FBXL2: variants seen among roughly 807,000 people sequenced by gnomAD.
FBXL2 encodes F-box/LRR-repeat protein 2.
A neutral mutation model predicts 69.2 loss-of-function variants in FBXL2; 38 were observed. The ratio of observed to expected loss-of-function variants is 0.55; its 90% CI spans 0.42 to 0.72. The LOEUF (loss-of-function observed/expected upper bound fraction) is 0.72, where lower values mean the gene tolerates loss of function less well. Ranked by LOEUF, FBXL2 falls within the 30% of genes least tolerant of loss-of-function variation. FBXL2 has a pLI of 0.00. For missense variants in FBXL2, 354 were observed against 520.3 expected (o/e 0.68, Z 3.11); for synonymous variants, 192 against 201.3 (o/e 0.95, Z 0.39).
chr3:33,335,100 CAAAT>C (rs2039471988), intron 2 of FBXL2, among the ~76,000 whole-genome samples: 1 of 147,808 alleles, frequency 6.8e-6, no homozygotes, highest in Non-Finnish European at 1.5e-5. Flanking sequence ...GACCTTGTCT[CAAAT>C]AATAATAATA....
chr3:33,393,262 T>C, intron 12 of FBXL2: 2 of 1,534,248 alleles, frequency 1.3e-6, no homozygotes, highest in Non-Finnish European at 1.8e-6. Flanking sequence ...CAATTACATG[T>C]ATAAAAGTAA....
intron 2 of FBXL2, among the ~76,000 whole-genome samples, chr3:33,351,546 T>C (rs1232929282): frequency 2.0e-5 from 3 of 152,186 alleles, no homozygotes; most frequent in African/African-American, 7.2e-5. Context: ...AGTGAAGAGA[T>C]ATTACATATT....
chr3:33,323,091 C>G (rs2038374690), intron 2 of FBXL2, among the ~76,000 whole-genome samples: 1 of 152,126 alleles, frequency 6.6e-6, no homozygotes, highest in Non-Finnish European at 1.5e-5. Context: ...TTAATAAAAT[C>G]TAAAGTTATT....
At chr3:33,330,582 A>G (rs1419730512) in intron 2 of FBXL2, among the ~76,000 whole-genome samples, 2 of 152,136 alleles carry the variant, frequency 1.3e-5, no homozygotes, top group Non-Finnish European at 2.9e-5. Context: ...TACACGTTAT[A>G]TGAATGTATT....
At chr3:33,297,024 A>C (rs575437429) in intron 1 of FBXL2, among the ~76,000 whole-genome samples, 17 of 152,296 alleles carry the variant, frequency 1.1e-4, no homozygotes, top group Non-Finnish European at 1.9e-4. Flanking sequence ...CAGTTCATGA[A>C]CATGGATGTC....
At chr3:33,277,854 A>T (rs1052440342) in intron 1 of FBXL2, among the ~76,000 whole-genome samples, 1 of 148,710 alleles carries the variant, frequency 6.7e-6, no homozygotes, top group Non-Finnish European at 1.5e-5. Context: ...GGGTGTGGTT[A>T]AAAAAAAAAA....
At chr3:33,382,473 TGAATG>T in intron 13 of FBXL2, 1 of 152,368 alleles carries the variant, frequency 6.6e-6, no homozygotes, top group South Asian at 2.1e-4. Context: ...TTAAATGATA[TGAATG>T]GAATTATCAT....
the FBXL2 span, among the ~76,000 whole-genome samples, chr3:33,421,401 T>C: frequency 1.3e-5 from 2 of 152,028 alleles, no homozygotes; most frequent in African/African-American, 4.8e-5. Context: ...GCCTCCCGAG[T>C]AGCTGGGACT....
At chr3:33,346,331 A>G (rs1158679296) in intron 2 of FBXL2, among the ~76,000 whole-genome samples, 1 of 152,132 alleles carries the variant, frequency 6.6e-6, no homozygotes, top group Admixed American at 6.6e-5. Context: ...AAGAAATGAA[A>G]TAATGGGCTG....
At chr3:33,361,098 AT>A (rs58660334) in intron 4 of FBXL2, among the ~76,000 whole-genome samples, 28,054 of 116,306 alleles carry the variant, frequency 0.24, 3,209 homozygotes, top group East Asian at 0.43. Context: ...CGCCCGGCTA[AT>A]TTTTTTTTTT....
chr3:33,396,935 G>A (rs2044022081), intron 12 of FBXL2: 5 of 958,078 alleles, frequency 5.2e-6, no homozygotes, highest in Non-Finnish European at 8.3e-6. Context: ...ATGCTCGATG[G>A]CGCACACAGG....
the FBXL2 span, chr3:33,411,429 T>C: frequency 1.6e-6 from 1 of 615,566 alleles, no homozygotes. Flanking sequence ...AGGGTGAACT[T>C]ACTAGATTAA....
chr3:33,412,624 T>C, the FBXL2 span: 3 of 814,710 alleles, frequency 3.7e-6, no homozygotes, highest in East Asian at 2.5e-5. Context: ...ACACCAAAAC[T>C]TTCCCCACAC....
intron 1 of FBXL2, among the ~76,000 whole-genome samples, chr3:33,284,364 A>G (rs1559484157): frequency 6.6e-6 from 1 of 152,158 alleles, no homozygotes; most frequent in Non-Finnish European, 1.5e-5. Flanking sequence ...CTTTTGAGTG[A>G]GTTTCTTAAT....
Position 33,387,234 on chromosome 3 carries a change from G to A in FBXL2, c.*1626G>A, listed in dbSNP as rs1356900220. The A allele has an allele frequency of 2.0e-5, 3 of 152,142 alleles. No homozygotes were observed. The highest frequency in any genetic ancestry group is 7.2e-5 in the African/African-American group (3 of 41,416). 9.4% of individuals were successfully genotyped at this position (152,142 alleles called of 1,614,324 possible). A position where few individuals can be genotyped will look rare whatever the true frequency, so the allele number is the denominator to read the frequency against. On this transcript the variant is annotated 3_prime_UTR_variant, in exon 15 of 15. Coordinates refer to ENST00000484457, the MANE Select transcript of FBXL2 (RefSeq NM_012157.5). ...TGATGGGGGAGGAGGACTGATGCAG[G>A]AAGCAACTTCAATAAATGAGCATAT...
intron 13 of FBXL2, among the ~76,000 whole-genome samples, chr3:33,381,646 TA>T (rs60891737): frequency 6.4e-4 from 96 of 149,270 alleles, no homozygotes; most frequent in African/African-American, 2.2e-3. Context: ...AATAAAAATT[TA>T]AAAAAAAAAG....
the FBXL2 span, among the ~76,000 whole-genome samples, chr3:33,418,404 G>A: frequency 1.3e-5 from 2 of 151,922 alleles, no homozygotes; most frequent in African/African-American, 2.4e-5. Flanking sequence ...ACAGGTGCCC[G>A]CCACCACGCC....
Position 33,362,832 on chromosome 3 carries a change from A to G in FBXL2, c.196-1793A>G, listed in dbSNP as rs1034064533. ...TCCTGTTTATTAGGTACTTAAATAT[A>G]TATCTTTGATTTCTAAGTCATAATC... On this transcript the variant is annotated intron_variant, in intron 4 of 14. Transcript: ENST00000484457. Among the ~76,000 whole-genome samples the G allele has an allele frequency of 5.9e-5, 9 of 152,054 alleles. No homozygotes were observed. The East Asian group carries it at 7.7e-4, about 13-fold the overall frequency.
Position 33,385,679 on chromosome 3 carries a change from C to A in FBXL2, c.*71C>A. ...AGAAGACCTGAGTCTTCCTGACCGA[C>A]TCCACCATCACCCAATCTGTTGATT... On this transcript the variant is annotated 3_prime_UTR_variant, in exon 15 of 15. Transcript: ENST00000484457. The A allele has an allele frequency of 8.4e-7, 1 of 1,196,366 alleles. No individual in the cohort carries two copies. Among genetic ancestry groups the A allele is most frequent in the Non-Finnish European group, 1.2e-6 (1 of 804,786 alleles). The allele number at this position is 1,196,366 out of a possible 1,614,324, so 74.1% of individuals were successfully genotyped here. A position where few individuals can be genotyped will look rare whatever the true frequency, so the allele number is the denominator to read the frequency against.
Sources: allele counts gnomAD v4.1 joint callset (sites outside exome capture counted in the v4.1 genomes callset), GRCh38; gene constraint gnomAD v4.1.1; transcripts MANE v1.5; gene names NCBI Gene and HGNC (gene_info 2026-07-23, HGNC 2026-07-21).